WWOX: variants seen among roughly 807,000 people sequenced by gnomAD.
WWOX encodes the protein WW domain containing oxidoreductase.
A neutral mutation model predicts 46.2 loss-of-function variants in WWOX; 69 were observed. The observed-to-expected ratio is 1.49, with a 90% CI of 1.23 to 1.82. The LOEUF (loss-of-function observed/expected upper bound fraction) is 1.82. Ranked by LOEUF, WWOX falls within the 40% of genes most tolerant of loss-of-function variation. The probability of loss-of-function intolerance (pLI) is 0.00; values close to 1 mark genes in which losing one functional copy is unlikely to be tolerated. For synonymous variants in WWOX, 359 were observed against 202.6 expected (o/e 1.77, Z -6.56); for missense variants, 919 against 542.6 (o/e 1.69, Z -6.89).
At chr16:78,367,172 G>C (rs898377038) in intron 5 of WWOX, among the ~76,000 whole-genome samples, 2 of 151,710 alleles carry the variant, frequency 1.3e-5, no homozygotes, top group African/African-American at 4.9e-5. Context: ...GTAGAGACAG[G>C]GTTTCACCAT....
chr16:78,351,683 G>A (rs2081186871), intron 5 of WWOX, among the ~76,000 whole-genome samples: 1 of 152,168 alleles, frequency 6.6e-6, no homozygotes, highest in African/African-American at 2.4e-5. Flanking sequence ...TTGAGACAGA[G>A]TCTCGGTCTC....
intron 8 of WWOX, among the ~76,000 whole-genome samples, chr16:78,605,543 G>A (rs568349686): frequency 2.0e-5 from 3 of 152,046 alleles, no homozygotes; most frequent in Non-Finnish European, 4.4e-5. Flanking sequence ...ACTGAAGAAT[G>A]GAAAATATGC....
chr16:78,353,258 G>C (rs1282889417), intron 5 of WWOX, among the ~76,000 whole-genome samples: 1 of 152,130 alleles, frequency 6.6e-6, no homozygotes, highest in East Asian at 1.9e-4. Context: ...AATACCTCAA[G>C]AGAAAAAGAC....
chr16:78,366,923 G>C (rs1424798041), intron 5 of WWOX, among the ~76,000 whole-genome samples: 7 of 148,566 alleles, frequency 4.7e-5, no homozygotes, highest in Non-Finnish European at 8.9e-5. Context: ...ATGTAGGAGA[G>C]AAGTTGAAAT....
chr16:78,419,595 C>G (rs1295028150), intron 6 of WWOX, among the ~76,000 whole-genome samples: 1 of 111,314 alleles, frequency 9.0e-6, no homozygotes, highest in Non-Finnish European at 1.7e-5. Context: ...GATTAGATCA[C>G]ACTTGCATAA....
chr16:78,587,137 T>A (rs999506387), intron 8 of WWOX, among the ~76,000 whole-genome samples: 3 of 151,250 alleles, frequency 2.0e-5, no homozygotes, highest in Non-Finnish European at 4.4e-5. Flanking sequence ...CCTATCCTCT[T>A]ACCTCAGCCT....
chr16:79,129,334 T>C (rs1265754381), intron 8 of WWOX, among the ~76,000 whole-genome samples: 3 of 149,940 alleles, frequency 2.0e-5, no homozygotes, highest in South Asian at 4.3e-4. Flanking sequence ...ATGTTCGTTA[T>C]GCACATAGTC....
intron 5 of WWOX, among the ~76,000 whole-genome samples, chr16:78,193,818 A>G (rs1389161942): frequency 4.8e-5 from 7 of 144,542 alleles, no homozygotes; most frequent in Non-Finnish European, 3.1e-5. Flanking sequence ...TTTAATTTTT[A>G]TTTATTATTA....
chr16:79,180,037 G>C (rs762466333), intron 8 of WWOX, among the ~76,000 whole-genome samples: 1 of 152,026 alleles, frequency 6.6e-6, no homozygotes, highest in Non-Finnish European at 1.5e-5. Flanking sequence ...TTGTTGTCTT[G>C]AGGTTTCCAC....
At chr16:78,890,033 A>T (rs1025966138) in intron 8 of WWOX, among the ~76,000 whole-genome samples, 9 of 152,098 alleles carry the variant, frequency 5.9e-5, no homozygotes, top group African/African-American at 2.2e-4. Context: ...GAAGTTTGAA[A>T]CCAAGTGGCA....
At chr16:79,165,663 G>C (rs1333833818) in intron 8 of WWOX, among the ~76,000 whole-genome samples, 1 of 152,086 alleles carries the variant, frequency 6.6e-6, no homozygotes, top group Non-Finnish European at 1.5e-5. Flanking sequence ...CTGGTTTTAC[G>C]CAGAGAAGTA....
chr16:78,120,730 G>A (rs2033052462), intron 4 of WWOX, among the ~76,000 whole-genome samples: 1 of 152,138 alleles, frequency 6.6e-6, no homozygotes, highest in East Asian at 1.9e-4. Context: ...AACTGTAGTT[G>A]CCATACTCTT....
intron 8 of WWOX, among the ~76,000 whole-genome samples, chr16:78,671,446 A>G (rs1412561188): frequency 6.6e-6 from 1 of 152,172 alleles, no homozygotes; most frequent in Non-Finnish European, 1.5e-5. Flanking sequence ...AATAAAACAT[A>G]AATAAATTTC....
At chr16:78,609,608 C>G (rs879939739) in intron 8 of WWOX, among the ~76,000 whole-genome samples, 25 of 151,696 alleles carry the variant, frequency 1.6e-4, no homozygotes, top group Non-Finnish European at 3.7e-4. Context: ...CTGGCTTCAC[C>G]AGGCAGGCTC....
At chr16:79,145,575 T>A (rs1007442239) in intron 8 of WWOX, among the ~76,000 whole-genome samples, 5 of 152,188 alleles carry the variant, frequency 3.3e-5, no homozygotes, top group Non-Finnish European at 7.3e-5. Flanking sequence ...AGAATATTCA[T>A]GATAGCTGTC....
chr16:78,708,501 C>T (rs1034413714), intron 8 of WWOX, among the ~76,000 whole-genome samples: 4 of 152,166 alleles, frequency 2.6e-5, no homozygotes, highest in African/African-American at 9.7e-5. Flanking sequence ...CTGTATCAAG[C>T]GTTTACCATC....
chr16:78,986,515 C>T (rs564749108), intron 8 of WWOX, among the ~76,000 whole-genome samples: 2 of 152,296 alleles, frequency 1.3e-5, no homozygotes, highest in African/African-American at 4.8e-5. Context: ...TTTAGGATTT[C>T]ATGTAAGTAA....
intron 8 of WWOX, among the ~76,000 whole-genome samples, chr16:78,615,606 T>A (rs2046003591): frequency 6.6e-6 from 1 of 151,942 alleles, no homozygotes; most frequent in Non-Finnish European, 1.5e-5. Flanking sequence ...GCTGCAGCTA[T>A]GTTCGCACCA....
intron 8 of WWOX, among the ~76,000 whole-genome samples, chr16:78,545,736 G>C (rs2044014081): frequency 6.6e-6 from 1 of 152,142 alleles, no homozygotes; most frequent in African/African-American, 2.4e-5. Context: ...CACAGTTCTG[G>C]AGGCTGGAAA....
Sources: allele counts gnomAD v4.1 joint callset (sites outside exome capture counted in the v4.1 genomes callset), GRCh38; gene constraint gnomAD v4.1.1; transcripts MANE v1.5; gene names NCBI Gene and HGNC (gene_info 2026-07-23, HGNC 2026-07-21).